The following FYN variants were observed in gnomAD, a reference collection of about 807,000 sequenced individuals.
FYN encodes the protein tyrosine-protein kinase Fyn.
Under a neutral mutation model 70.2 loss-of-function variants are expected in FYN, and 10 were observed. The ratio of observed to expected loss-of-function variants is 0.14; its 90% CI spans 0.09 to 0.24. The LOEUF is 0.24. Ranked by LOEUF, FYN falls within the 10% of genes least tolerant of loss-of-function variation. FYN has a pLI of 1.00. For missense variants in FYN, 319 were observed against 673.1 expected (o/e 0.47, Z 5.82); for synonymous variants, 236 against 248.6 (o/e 0.95, Z 0.48).
Position 111,720,165 on chromosome 6 carries a change from T to C in FYN, c.-11-103A>G, listed in dbSNP as rs528596388. ...AATTGACAAGGCTCACTGTTGGCTA[T>C]TTCAGGCCTATTAGGGGGCATGAGG... On this transcript the variant is annotated intron_variant, in intron 3 of 13. Coordinates refer to ENST00000354650, the MANE Select transcript of FYN (RefSeq NM_002037.5). 218 of 1,359,808 alleles carry C rather than the reference T, an allele frequency of 1.6e-4. No homozygotes were observed. The African/African-American group carries it at 2.9e-3, about 18-fold the overall frequency. 84.2% of individuals were successfully genotyped at this position (1,359,808 alleles called of 1,614,324 possible).
chr6:111,698,164 T>C (rs923847549), intron 9 of FYN, among the ~76,000 whole-genome samples: 2 of 138,342 alleles, frequency 1.4e-5, no homozygotes, highest in Non-Finnish European at 3.0e-5. Flanking sequence ...TCGCTTTTGT[T>C]GCCCAGGCTG....
rs116802186 is a variant in FYN at position 111,672,651 on chromosome 6, A to G, written c.1405+1848T>C. Among the ~76,000 whole-genome samples, 1,177 of 152,334 alleles carry G rather than the reference A, an allele frequency of 7.7e-3. 14 individuals carry two copies. The highest frequency in any genetic ancestry group is 0.026 in the African/African-American group (1,093 of 41,586). On this transcript the variant is annotated intron_variant, in intron 13 of 13. Transcript: ENST00000354650. Reference sequence around the variant, plus strand: ...TATCTATCTGACTGTAATATCCATGAACATAGGGACTAAATTTATTTACTT... The same window carrying G: ...TATCTATCTGACTGTAATATCCATGGACATAGGGACTAAATTTATTTACTT...
intron 12 of FYN, among the ~76,000 whole-genome samples, chr6:111,678,734 C>T (rs886779488): frequency 1.2e-4 from 18 of 152,200 alleles, no homozygotes; most frequent in African/African-American, 4.3e-4. Flanking sequence ...ACTTTGTAAA[C>T]CACCCAGTTG....
chr6:111,832,622 A>G (rs1773049887), intron 2 of FYN, among the ~76,000 whole-genome samples: 1 of 152,116 alleles, frequency 6.6e-6, no homozygotes, highest in African/African-American at 2.4e-5. Context: ...TAATTAATAT[A>G]TAATATTCAA....
chr6:111,706,850 C>T lies in FYN; in HGVS notation c.443+1072G>A, dbSNP rs142230976. 9.2e-5 allele frequency among the ~76,000 whole-genome samples: 14 copies of T among 152,182 alleles called. No individual in the cohort carries two copies. The East Asian group carries it at 2.5e-3, about 27-fold the overall frequency. On this transcript the variant is annotated intron_variant, in intron 6 of 13. Coordinates refer to ENST00000354650, the MANE Select transcript of FYN (RefSeq NM_002037.5). ...ATGTTTGCAAATCTGCCCTAAAATA[C>T]AAATTAAATACAAATACCTTGATTC...
intron 3 of FYN, among the ~76,000 whole-genome samples, chr6:111,776,318 T>C (rs1257460528): frequency 6.6e-6 from 1 of 152,144 alleles, no homozygotes; most frequent in African/African-American, 2.4e-5. Flanking sequence ...ATGGATAGTT[T>C]TCCCACAGAT....
chr6:111,686,498 T>C (rs750125723), intron 12 of FYN, among the ~76,000 whole-genome samples: 1 of 152,116 alleles, frequency 6.6e-6, no homozygotes, highest in Non-Finnish European at 1.5e-5. Flanking sequence ...GGGGTTGGCA[T>C]GGTCATTTTA....
intron 3 of FYN, among the ~76,000 whole-genome samples, chr6:111,760,460 T>C (rs1802953489): frequency 6.6e-6 from 1 of 152,112 alleles, no homozygotes; most frequent in South Asian, 2.1e-4. Context: ...GGACAGAAGA[T>C]CCACAGGCAA....
At chr6:111,691,970 C>T (rs535861531) in intron 12 of FYN, among the ~76,000 whole-genome samples, 3 of 152,070 alleles carry the variant, frequency 2.0e-5, no homozygotes, top group African/African-American at 4.8e-5. Context: ...TTGGTCCTCA[C>T]GTTTCCTCTC....
At position 111,724,543 on chromosome 6, in the gene FYN, G is replaced by A. The variant is rs142534502; in HGVS notation, c.-11-4481C>T. 1.2e-3 allele frequency among the ~76,000 whole-genome samples: 177 copies of A among 152,338 alleles called. 1 individual carries two copies. Among genetic ancestry groups the A allele is most frequent in the African/African-American group, 3.8e-3 (156 of 41,568 alleles). On this transcript the variant is annotated intron_variant, in intron 3 of 13. Transcript: ENST00000354650. ...TTGCAGGACGTGTGATAAGATTTCA[G>A]GTGTGTGCAGGAGCTAGGTACCAAA...
At chr6:111,663,417 A>T (rs1045240428) in intron 13 of FYN, among the ~76,000 whole-genome samples, 1 of 152,206 alleles carries the variant, frequency 6.6e-6, no homozygotes, top group Non-Finnish European at 1.5e-5. Context: ...CTGCAGAGGG[A>T]ACACTCGGAC....
intron 4 of FYN, among the ~76,000 whole-genome samples, chr6:111,719,406 C>T (rs1231667842): frequency 6.6e-6 from 1 of 151,900 alleles, no homozygotes; most frequent in African/African-American, 2.4e-5. Flanking sequence ...AATACACACA[C>T]CCAGACCCAG....
chr6:111,812,554 A>AGCTAAATTATCACTCTTCCTTT, intron 2 of FYN, among the ~76,000 whole-genome samples: 1 of 151,698 alleles, frequency 6.6e-6, no homozygotes, highest in African/African-American at 2.4e-5. Context: ...ATGCTTACAC[A>AGCTAAATTATCACTCTTCCTTT]GCTAAATTAT....
chr6:111,662,976 CAG>C (rs1562457259), intron 13 of FYN, among the ~76,000 whole-genome samples: 8 of 152,102 alleles, frequency 5.3e-5, no homozygotes, highest in Non-Finnish European at 2.9e-5. Flanking sequence ...GCTAACTCCT[CAG>C]AGAGTGCGGC....
At chr6:111,681,865 C>T (rs546311022) in intron 12 of FYN, among the ~76,000 whole-genome samples, 1 of 152,060 alleles carries the variant, frequency 6.6e-6, no homozygotes. Flanking sequence ...AAGCAATGTG[C>T]CAAACAAAGG....
chr6:111,799,165 G>A (rs1397096309), intron 2 of FYN, among the ~76,000 whole-genome samples: 2 of 152,160 alleles, frequency 1.3e-5, no homozygotes, highest in African/African-American at 4.8e-5. Context: ...CTTTTAGGAA[G>A]GGTGATTCTA....
At chr6:111,817,434 A>G (rs1478114257) in intron 2 of FYN, among the ~76,000 whole-genome samples, 1 of 152,180 alleles carries the variant, frequency 6.6e-6, no homozygotes, top group African/African-American at 2.4e-5. Context: ...TACTCCTATA[A>G]TATGGCCAAA....
intron 1 of FYN, among the ~76,000 whole-genome samples, chr6:111,860,930 A>G (rs955296836): frequency 6.6e-6 from 1 of 152,212 alleles, no homozygotes; most frequent in Non-Finnish European, 1.5e-5. Context: ...CACATTATCT[A>G]TGCTTTGGCC....
intron 8 of FYN, among the ~76,000 whole-genome samples, chr6:111,701,240 A>G (rs1224019941): frequency 6.6e-6 from 1 of 152,184 alleles, no homozygotes; most frequent in Non-Finnish European, 1.5e-5. Context: ...AGGGGAACTT[A>G]AATGCCAAGT....
Sources: gnomAD v4.1 joint callset for allele counts (sites outside exome capture counted in the v4.1 genomes callset) on GRCh38, gnomAD v4.1.1 for gene constraint, MANE v1.5 for transcripts, NCBI Gene and HGNC (gene_info 2026-07-23, HGNC 2026-07-21) for gene names.